NCOA1: variants seen among roughly 807,000 people sequenced by gnomAD.
NCOA1 encodes the protein nuclear receptor coactivator 1.
NCOA1 carries 35 observed loss-of-function variants against 150.9 expected under a neutral mutation model. The observed-to-expected ratio is 0.23, with a 90% CI of 0.18 to 0.31. The LOEUF is 0.31. Ranked by LOEUF, NCOA1 falls within the 10% of genes least tolerant of loss-of-function variation. The pLI is 1.00. For synonymous variants in NCOA1, 590 were observed against 630.0 expected (o/e 0.94, Z 0.95); for missense variants, 1,491 against 1,749.3 (o/e 0.85, Z 2.63).
At position 24,726,631 on chromosome 2, in the gene NCOA1, G is replaced by A; in HGVS notation, c.2642G>A (p.Gly881Glu). ...LELEAIDNQF[G>E]QPGTGDQIPW... ...TTGGAAGCAATTGATAACCAATTTG[G>A]ACAACCAGGAACAGGCGATCAGATT... The change falls in exon 15 of 23, where the codon GGA (glycine) becomes GAA (glutamate). Residue 881 changes from glycine (G) to glutamate (E), a missense_variant. Transcript: ENST00000348332. The A allele has an allele frequency of 6.2e-7, 1 of 1,609,952 alleles. No homozygotes were observed. Among genetic ancestry groups the A allele is most frequent in the Non-Finnish European group, 8.5e-7 (1 of 1,178,012 alleles).
In NCOA1 at chr2:24,710,999, C is replaced by T; in HGVS notation, c.2487C>T (p.Gly829=). Residue 829 remains glycine, a synonymous_variant, in exon 14 of 23, where the codon GGC becomes GGT. Coordinates refer to ENST00000348332, the MANE Select transcript of NCOA1 (RefSeq NM_003743.5). ...PTLEKAAQLP[G]LCETDRMDGA... Reference sequence around the variant, plus strand: ...TGGAGAAGGCAGCACAGTTGCCAGGCTTATGTGAGACAGACAGGATGGATG... The same window carrying T: ...TGGAGAAGGCAGCACAGTTGCCAGGTTTATGTGAGACAGACAGGATGGATG... 1.2e-6 allele frequency: 2 copies of T among 1,614,156 alleles called. No individual in the cohort carries two copies. Among genetic ancestry groups the T allele is most frequent in the Non-Finnish European group, 1.7e-6 (2 of 1,180,010 alleles).
intron 6 of NCOA1, among the ~76,000 whole-genome samples, chr2:24,673,020 AT>A (rs1442711783): frequency 2.0e-5 from 3 of 152,130 alleles, no homozygotes. Flanking sequence ...ACTTGAAATA[AT>A]TTTTCTTTTA....
intron 4 of NCOA1, among the ~76,000 whole-genome samples, chr2:24,651,990 G>A (rs934543544): frequency 1.3e-5 from 2 of 152,000 alleles, no homozygotes; most frequent in African/African-American, 4.8e-5. Flanking sequence ...TCCTCAAAAA[G>A]TTAAAGAGTT....
chr2:24,559,232 T>C (rs1049276930), intron 1 of NCOA1, among the ~76,000 whole-genome samples: 1 of 152,190 alleles, frequency 6.6e-6, no homozygotes. Flanking sequence ...TCAGGTTGTT[T>C]GTGTTGGAGG....
chr2:24,752,300 A>G, intron 20 of NCOA1, 144 bp downstream of exon 20: 1 of 948,854 alleles, frequency 1.1e-6, no homozygotes, highest in Non-Finnish European at 1.5e-6. Flanking sequence ...GGCTACATTT[A>G]TATGACGTTT....
intron 3 of NCOA1, among the ~76,000 whole-genome samples, chr2:24,643,528 A>T (rs1403770779): frequency 6.6e-6 from 1 of 152,232 alleles, no homozygotes; most frequent in African/African-American, 2.4e-5. Flanking sequence ...TTACAAACAT[A>T]AAATGTTTAT....
chr2:24,533,863 T>C (rs574964188), intron 1 of NCOA1, among the ~76,000 whole-genome samples: 27 of 152,342 alleles, frequency 1.8e-4, no homozygotes, highest in African/African-American at 6.3e-4. Context: ...TATTGAGGAT[T>C]TTCACATCGT....
intron 14 of NCOA1, among the ~76,000 whole-genome samples, chr2:24,716,401 A>G (rs1674046269): frequency 6.6e-6 from 1 of 152,160 alleles, no homozygotes; most frequent in Non-Finnish European, 1.5e-5. Context: ...ACAGACCCAC[A>G]TTTATATGGC....
At chr2:24,693,219 T>C in intron 9 of NCOA1, 33 bp from the exon 10 acceptor site, 1 of 1,587,978 alleles carries the variant, frequency 6.3e-7, no homozygotes, top group Non-Finnish European at 8.6e-7. Context: ...TTCTACTCTC[T>C]ATCCTTCAAT....
At chr2:24,707,928 A>G in intron 13 of NCOA1, 40 bp downstream of exon 13, 1 of 1,541,974 alleles carries the variant, frequency 6.5e-7, no homozygotes, top group Non-Finnish European at 8.7e-7. Flanking sequence ...CATTCTTAGT[A>G]ATTTTTTTTT....
At chr2:24,501,581 A>G (rs1320811797) in intron 1 of NCOA1, among the ~76,000 whole-genome samples, 2 of 152,142 alleles carry the variant, frequency 1.3e-5, no homozygotes, top group African/African-American at 4.8e-5. Context: ...TTGGTGTGCA[A>G]TATATACAAA....
intron 1 of NCOA1, among the ~76,000 whole-genome samples, chr2:24,494,848 T>C (rs1663132412): frequency 6.6e-6 from 1 of 152,208 alleles, no homozygotes; most frequent in Non-Finnish European, 1.5e-5. Flanking sequence ...GGAAAGGACT[T>C]TTTAAAATTG....
chr2:24,628,103 C>T (rs1669514292), intron 3 of NCOA1, among the ~76,000 whole-genome samples: 2 of 152,018 alleles, frequency 1.3e-5, no homozygotes, highest in African/African-American at 2.4e-5. Context: ...AGTTTGAGAC[C>T]AGCTTGGCCA....
intron 3 of NCOA1, among the ~76,000 whole-genome samples, chr2:24,615,717 A>G (rs1216811905): frequency 1.3e-5 from 2 of 152,220 alleles, no homozygotes; most frequent in Admixed American, 6.5e-5. Context: ...ATATAATCAG[A>G]TAGATACATA....
intron 17 of NCOA1, among the ~76,000 whole-genome samples, chr2:24,733,639 G>C (rs990449729): frequency 6.6e-6 from 1 of 152,182 alleles, no homozygotes; most frequent in Non-Finnish European, 1.5e-5. Flanking sequence ...AGTTACTGGG[G>C]AGGCTGAGGC....
intron 3 of NCOA1, among the ~76,000 whole-genome samples, chr2:24,621,570 C>A (rs1307848598): frequency 6.7e-6 from 1 of 150,126 alleles, no homozygotes; most frequent in African/African-American, 2.4e-5. Context: ...GGGTTCCCTC[C>A]TGGGTTCAAG....
intron 13 of NCOA1, among the ~76,000 whole-genome samples, chr2:24,708,858 C>G (rs1243758938): frequency 6.6e-6 from 1 of 152,210 alleles, no homozygotes; most frequent in East Asian, 1.9e-4. Flanking sequence ...CTAGAATAAG[C>G]CATGTCTCTT....
At chr2:24,524,751 G>A (rs566124065) in intron 1 of NCOA1, among the ~76,000 whole-genome samples, 1 of 152,194 alleles carries the variant, frequency 6.6e-6, no homozygotes, top group Admixed American at 6.5e-5. Context: ...GGGATTACAC[G>A]TACCCACCAC....
intron 10 of NCOA1, among the ~76,000 whole-genome samples, chr2:24,695,251 A>C (rs1441635386): frequency 1.3e-5 from 2 of 152,174 alleles, no homozygotes; most frequent in African/African-American, 4.8e-5. Context: ...ATGTAAAATA[A>C]AAAATTAGCC....
Sources: gnomAD v4.1 joint callset for allele counts (sites outside exome capture counted in the v4.1 genomes callset) on GRCh38, gnomAD v4.1.1 for gene constraint, MANE v1.5 for transcripts, NCBI Gene and HGNC (gene_info 2026-07-23, HGNC 2026-07-21) for gene names.